The following ARHGEF28 variants were observed in gnomAD, a reference collection of about 807,000 sequenced individuals.
The protein encoded by ARHGEF28 is Rho guanine nucleotide exchange factor 28, also known as 190 kDa guanine nucleotide exchange factor.
ARHGEF28 carries 152 observed loss-of-function variants against 206.6 expected under a neutral mutation model. The ratio of observed to expected loss-of-function variants is 0.74; its 90% CI spans 0.64 to 0.84. The LOEUF is 0.84. Ranked by LOEUF, ARHGEF28 falls within the 40% of genes least tolerant of loss-of-function variation. The pLI is 0.00. For synonymous variants in ARHGEF28, 763 were observed against 776.4 expected (o/e 0.98, Z 0.29); for missense variants, 2,028 against 2,073.2 (o/e 0.98, Z 0.42).
rs116756158 is a variant in ARHGEF28 at position 73,814,140 on chromosome 5, A to T, written c.1025-18198A>T. Reference sequence around the variant, plus strand: ...TAAAAAAATTTTTGTAATTAAGAAAATTTTTCTATTTTATACTATTTTATT... The same window carrying T: ...TAAAAAAATTTTTGTAATTAAGAAATTTTTTCTATTTTATACTATTTTATT... On this transcript the variant is annotated intron_variant, in intron 9 of 35. Coordinates refer to ENST00000513042, the MANE Select transcript of ARHGEF28 (RefSeq NM_001177693.2). Among the ~76,000 whole-genome samples the T allele has an allele frequency of 5.7e-3, 863 of 152,074 alleles. 7 individuals are homozygous for T. The highest frequency in any genetic ancestry group is 0.018 in the African/African-American group (761 of 41,506).
chr5:73,892,802 C>T (rs1761725141), intron 27 of ARHGEF28, among the ~76,000 whole-genome samples: 1 of 152,116 alleles, frequency 6.6e-6, no homozygotes, highest in Non-Finnish European at 1.5e-5. Context: ...TGGGGGTGAT[C>T]ATTCTCAACA....
At position 73,700,032 on chromosome 5, in the gene ARHGEF28, G is replaced by C. The variant is rs1227975350; in HGVS notation, c.33+15148G>C. 3.3e-5 allele frequency among the ~76,000 whole-genome samples: 5 copies of C among 152,094 alleles called. No individual in the cohort carries two copies. The East Asian group carries it at 9.6e-4, about 29-fold the overall frequency. On this transcript the variant is annotated intron_variant, in intron 2 of 35. Transcript: ENST00000513042. ...AGCTTTTAGGAGAGAATGTTTCCTAGGACTCACCCACTCCCATTCAATGTT... is the reference window on the plus strand; with the variant it reads ...AGCTTTTAGGAGAGAATGTTTCCTACGACTCACCCACTCCCATTCAATGTT...
intron 35 of ARHGEF28, among the ~76,000 whole-genome samples, chr5:73,936,980 A>G (rs1227760143): frequency 6.6e-6 from 1 of 152,232 alleles, no homozygotes; most frequent in Non-Finnish European, 1.5e-5. Flanking sequence ...GATAATGGTG[A>G]GCCAATGGAG....
At chr5:73,705,660 G>A (rs1158132978) in intron 2 of ARHGEF28, among the ~76,000 whole-genome samples, 1 of 151,944 alleles carries the variant, frequency 6.6e-6, no homozygotes, top group Non-Finnish European at 1.5e-5. Context: ...ATGGGAAGGG[G>A]AGCTGGGGAT....
intron 35 of ARHGEF28, among the ~76,000 whole-genome samples, chr5:73,939,300 G>A (rs1233460507): frequency 6.6e-6 from 1 of 152,184 alleles, no homozygotes; most frequent in Non-Finnish European, 1.5e-5. Flanking sequence ...CTCTGTAAAT[G>A]GTGGCAGTTA....
At position 73,781,226 on chromosome 5, in the gene ARHGEF28, T is replaced by A. The variant is rs184683777; in HGVS notation, c.910+481T>A. Among the ~76,000 whole-genome samples the A allele has an allele frequency of 2.8e-3, 434 of 152,282 alleles. 2 individuals are homozygous for A. Among genetic ancestry groups the A allele is most frequent in the Admixed American group, 5.0e-3 (76 of 15,298 alleles). On this transcript the variant is annotated intron_variant, in intron 7 of 35. Coordinates refer to ENST00000513042, the MANE Select transcript of ARHGEF28 (RefSeq NM_001177693.2). ...GAATTGAGGCATCAGGGCTGCTGGA[T>A]GTTCATCAAGATACAGAACAGCCCT...
intron 9 of ARHGEF28, among the ~76,000 whole-genome samples, chr5:73,818,253 T>A (rs1756352807): frequency 6.6e-6 from 1 of 152,188 alleles, no homozygotes; most frequent in Admixed American, 6.5e-5. Context: ...GCTCATTTAA[T>A]GTTTACAGGG....
intron 7 of ARHGEF28, among the ~76,000 whole-genome samples, chr5:73,787,264 C>T (rs572313276): frequency 1.3e-5 from 2 of 152,318 alleles, no homozygotes; most frequent in South Asian, 4.1e-4. Flanking sequence ...TCTACCTTGA[C>T]TCTCATGTGA....
intron 2 of ARHGEF28, among the ~76,000 whole-genome samples, chr5:73,730,966 A>T (rs1750587514): frequency 1.3e-5 from 2 of 150,676 alleles, no homozygotes; most frequent in East Asian, 3.9e-4. Context: ...TTTTGCAATG[A>T]TCAGATGAAA....
intron 35 of ARHGEF28, among the ~76,000 whole-genome samples, chr5:73,915,522 A>C (rs1388907034): frequency 1.3e-5 from 2 of 152,150 alleles, no homozygotes; most frequent in Non-Finnish European, 2.9e-5. Context: ...CCTCTATGGG[A>C]CACCAGCCAA....
At chr5:73,676,165 G>T (rs1404045714) in intron 1 of ARHGEF28, among the ~76,000 whole-genome samples, 1 of 150,652 alleles carries the variant, frequency 6.6e-6, no homozygotes, top group Admixed American at 6.6e-5. Context: ...CCTTCTCCTG[G>T]GTTCAAGTGA....
intron 2 of ARHGEF28, among the ~76,000 whole-genome samples, chr5:73,715,534 G>A (rs1749534543): frequency 6.6e-6 from 1 of 151,966 alleles, no homozygotes; most frequent in African/African-American, 2.4e-5. Context: ...ATGCTGTTCA[G>A]AGAAAAAAAG....
At chr5:73,795,957 A>C (rs1486810381) in intron 9 of ARHGEF28, among the ~76,000 whole-genome samples, 3 of 152,196 alleles carry the variant, frequency 2.0e-5, no homozygotes, top group Non-Finnish European at 4.4e-5. Context: ...CACCCTTGGC[A>C]AGGTAGAGGT....
chr5:73,740,176 CAA>C lies in ARHGEF28; in HGVS notation c.34-9643_34-9642del, dbSNP rs550677123. Among the ~76,000 whole-genome samples the C allele has an allele frequency of 5.3e-3, 454 of 85,958 alleles. 1 individual carries two copies. The highest frequency in any genetic ancestry group is 0.016 in the African/African-American group (365 of 22,970). The allele number at this position is 85,958 out of a possible 152,430, so 56.4% of individuals were successfully genotyped here. ...TGGGTGATATAGTGAGAACCTATCT[CAA>C]AAAAAAAAAAAAAAAAAGAAGGAGA... On this transcript the variant is annotated intron_variant, in intron 2 of 35. Coordinates refer to ENST00000513042, the MANE Select transcript of ARHGEF28 (RefSeq NM_001177693.2).
At chr5:73,634,396 A>G (rs1232288085) in intron 1 of ARHGEF28, among the ~76,000 whole-genome samples, 1 of 152,210 alleles carries the variant, frequency 6.6e-6, no homozygotes, top group African/African-American at 2.4e-5. Flanking sequence ...CACATAATAA[A>G]ATGGGGTTAT....
chr5:73,666,528 G>C (rs1310786594), intron 1 of ARHGEF28, among the ~76,000 whole-genome samples: 4 of 152,226 alleles, frequency 2.6e-5, no homozygotes, highest in Non-Finnish European at 5.9e-5. Context: ...TGAAATGTAG[G>C]TGGATGCTGC....
intron 2 of ARHGEF28, among the ~76,000 whole-genome samples, chr5:73,709,768 T>C (rs372477105): frequency 1.6e-4 from 24 of 152,334 alleles, no homozygotes; most frequent in African/African-American, 5.3e-4. Flanking sequence ...TGTTTGCTCA[T>C]AGAGCCTCCA....
chr5:73,711,028 C>A (rs1051344805), intron 2 of ARHGEF28, among the ~76,000 whole-genome samples: 2 of 152,154 alleles, frequency 1.3e-5, no homozygotes, highest in Non-Finnish European at 2.9e-5. Flanking sequence ...ATAAGTAGTT[C>A]AATTGTTCCA....
chr5:73,635,051 A>G (rs975569633), intron 1 of ARHGEF28, among the ~76,000 whole-genome samples: 5 of 152,230 alleles, frequency 3.3e-5, no homozygotes, highest in African/African-American at 1.2e-4. Context: ...GTAAAAAGAA[A>G]GCCATTCATG....
Sources: allele counts gnomAD v4.1 joint callset (sites outside exome capture counted in the v4.1 genomes callset), GRCh38; gene constraint gnomAD v4.1.1; transcripts MANE v1.5; gene names NCBI Gene and HGNC (gene_info 2026-07-23, HGNC 2026-07-21).